The following SPOCK1 variants were observed in gnomAD, a reference collection of about 807,000 sequenced individuals.
The protein encoded by SPOCK1 is SPARC (osteonectin), cwcv and kazal like domains proteoglycan 1.
A neutral mutation model predicts 55.3 loss-of-function variants in SPOCK1; 23 were observed. That is an observed-to-expected ratio of 0.42 (90% CI 0.30 to 0.59). The LOEUF (loss-of-function observed/expected upper bound fraction) is 0.59, where lower values mean the gene tolerates loss of function less well. SPOCK1 is among the 20% of genes least tolerant of loss of function. The pLI is 0.22. For synonymous variants in SPOCK1, 226 were observed against 221.0 expected, an observed-to-expected ratio of 1.02 and a Z score of -0.20; for missense variants, 499 against 552.5, an observed-to-expected ratio of 0.90 and a Z score of 0.97.
intron 2 of SPOCK1, among the ~76,000 whole-genome samples, chr5:137,320,645 G>A (rs1168651858): frequency 6.6e-6 from 1 of 152,300 alleles, no homozygotes; most frequent in East Asian, 1.9e-4. Context: ...GAGGCTACAA[G>A]CGCCTGAAAA....
At chr5:137,030,652 G>A (rs1240782023) in intron 6 of SPOCK1, among the ~76,000 whole-genome samples, 2 of 152,224 alleles carry the variant, frequency 1.3e-5, no homozygotes, top group Non-Finnish European at 2.9e-5. Flanking sequence ...GGGAGTATGA[G>A]TTGGTAGGGC....
At chr5:137,019,755 A>G (rs1005405523) in intron 6 of SPOCK1, among the ~76,000 whole-genome samples, 14 of 152,082 alleles carry the variant, frequency 9.2e-5, no homozygotes, top group Non-Finnish European at 1.9e-4. Flanking sequence ...GACAGAAGAA[A>G]AGTGCCCACA....
intron 3 of SPOCK1, among the ~76,000 whole-genome samples, chr5:137,207,681 T>G (rs1051381709): frequency 6.6e-6 from 1 of 152,022 alleles, no homozygotes; most frequent in Non-Finnish European, 1.5e-5. Context: ...GGAACCAATA[T>G]TTACCGAGCA....
chr5:137,461,528 C>T (rs1370373216), intron 2 of SPOCK1, among the ~76,000 whole-genome samples: 3 of 152,140 alleles, frequency 2.0e-5, no homozygotes, highest in African/African-American at 7.2e-5. Context: ...CCCATAACCA[C>T]GGACTTAAGG....
intron 3 of SPOCK1, among the ~76,000 whole-genome samples, chr5:137,193,033 T>C (rs1324505849): frequency 1.3e-5 from 2 of 152,192 alleles, no homozygotes; most frequent in South Asian, 2.1e-4. Context: ...CTGAAGCTGA[T>C]AGGGCTGTAT....
At chr5:137,319,838 G>A (rs1374291830) in intron 2 of SPOCK1, among the ~76,000 whole-genome samples, 3 of 151,652 alleles carry the variant, frequency 2.0e-5, no homozygotes, top group Non-Finnish European at 4.4e-5. Context: ...CCAGCTACTC[G>A]GGAGGCTGAG....
At chr5:137,469,683 C>T (rs73302530) in intron 2 of SPOCK1, among the ~76,000 whole-genome samples, 7,436 of 152,218 alleles carry the variant, frequency 0.049, 319 homozygotes, top group African/African-American at 0.12. Flanking sequence ...TTCAGTGCAA[C>T]GTACTTTGGA....
chr5:137,497,700 G>T (rs1038100828), intron 2 of SPOCK1, among the ~76,000 whole-genome samples: 1 of 152,180 alleles, frequency 6.6e-6, no homozygotes, highest in African/African-American at 2.4e-5. Flanking sequence ...GGGCTCCCAC[G>T]GAGGAGCAAT....
At chr5:137,253,163 C>T (rs537209079) in intron 3 of SPOCK1, among the ~76,000 whole-genome samples, 68 of 152,322 alleles carry the variant, frequency 4.5e-4, no homozygotes, top group African/African-American at 1.6e-3. Context: ...AGGGCACCAA[C>T]ATCATTTATT....
At chr5:137,226,045 G>C (rs1755941288) in intron 3 of SPOCK1, among the ~76,000 whole-genome samples, 1 of 152,204 alleles carries the variant, frequency 6.6e-6, no homozygotes, top group African/African-American at 2.4e-5. Context: ...GGGACATCCA[G>C]ACCCAACCTA....
At chr5:137,273,781 C>T (rs879544757) in intron 2 of SPOCK1, among the ~76,000 whole-genome samples, 3 of 152,180 alleles carry the variant, frequency 2.0e-5, no homozygotes, top group Admixed American at 6.5e-5. Context: ...GTAAAAACCC[C>T]AAGATGACAT....
intron 3 of SPOCK1, among the ~76,000 whole-genome samples, chr5:137,163,444 AT>A (rs1282739157): frequency 1.3e-5 from 2 of 152,174 alleles, no homozygotes; most frequent in African/African-American, 4.8e-5. Context: ...ATGATGTGAC[AT>A]TTGACTTCAG....
intron 2 of SPOCK1, among the ~76,000 whole-genome samples, chr5:137,471,369 A>G (rs569711561): frequency 6.6e-6 from 1 of 152,294 alleles, no homozygotes; most frequent in African/African-American, 2.4e-5. Context: ...TTGACACCCA[A>G]TAGCTGTGAG....
chr5:137,126,726 T>G (rs1234851307), intron 4 of SPOCK1, among the ~76,000 whole-genome samples: 2 of 152,160 alleles, frequency 1.3e-5, no homozygotes, highest in East Asian at 1.9e-4. Context: ...CACACCAGTC[T>G]GGGCAACAAG....
Position 137,399,363 on chromosome 5 carries a change from TTTGTTGTTG to T in SPOCK1, c.186+99001_186+99009del, listed in dbSNP as rs140515377. Among the ~76,000 whole-genome samples, 131 of 150,936 alleles carry T rather than the reference TTTGTTGTTG, an allele frequency of 8.7e-4. 1 individual carries two copies. Among genetic ancestry groups the T allele is most frequent in the African/African-American group, 2.9e-3 (119 of 40,988 alleles). On this transcript the variant is annotated intron_variant, in intron 2 of 10. Coordinates refer to ENST00000394945, the MANE Select transcript of SPOCK1 (RefSeq NM_004598.4). ...ACTGGGCTATATTGCCTCTTTATTG[TTTGTTGTTG>T]TTGTTGTTGTTGTTGTTGTTGTTGT...
chr5:137,135,370 G>C (rs1044480377), intron 4 of SPOCK1, among the ~76,000 whole-genome samples: 1 of 152,204 alleles, frequency 6.6e-6, no homozygotes, highest in Non-Finnish European at 1.5e-5. Context: ...CAGACTAGCA[G>C]AAAATCCCTG....
chr5:137,272,488 A>T (rs751048095), intron 2 of SPOCK1, among the ~76,000 whole-genome samples: 3 of 152,144 alleles, frequency 2.0e-5, no homozygotes, highest in Non-Finnish European at 2.9e-5. Context: ...AGCATCACAC[A>T]CAACTACCCT....
chr5:137,345,201 A>T (rs1351324819), intron 2 of SPOCK1, among the ~76,000 whole-genome samples: 2 of 152,232 alleles, frequency 1.3e-5, no homozygotes, highest in Non-Finnish European at 2.9e-5. Flanking sequence ...TCAGAGCTGG[A>T]AGGACTAAAG....
At chr5:137,082,766 A>G (rs1240232917) in intron 5 of SPOCK1, among the ~76,000 whole-genome samples, 2 of 152,232 alleles carry the variant, frequency 1.3e-5, no homozygotes, top group Non-Finnish European at 2.9e-5. Flanking sequence ...GGGCAGCTTC[A>G]AAGACCCAAG....
Sources: allele counts gnomAD v4.1 joint callset (sites outside exome capture counted in the v4.1 genomes callset), GRCh38; gene constraint gnomAD v4.1.1; transcripts MANE v1.5; gene names NCBI Gene and HGNC (gene_info 2026-07-23, HGNC 2026-07-21).